The following WIPI2 variants were observed in gnomAD, a reference collection of about 807,000 sequenced individuals.
WIPI2 encodes WD repeat domain phosphoinositide-interacting protein 2.
A neutral mutation model predicts 52.3 loss-of-function variants in WIPI2; 28 were observed. The observed-to-expected ratio is 0.54, with a 90% confidence interval of 0.40 to 0.73. The LOEUF (loss-of-function observed/expected upper bound fraction) is 0.73, where lower values mean the gene tolerates loss of function less well. WIPI2 is among the 30% of genes least tolerant of loss of function. The probability of loss-of-function intolerance (pLI) is 0.00; values close to 1 mark genes in which losing one functional copy is unlikely to be tolerated. For missense variants in WIPI2, 506 were observed against 602.9 expected (o/e 0.84, Z 1.68); for synonymous variants, 268 against 245.0 (o/e 1.09, Z -0.88).
chr7:5,200,631 G>A (rs997577420), intron 3 of WIPI2, among the ~76,000 whole-genome samples: 6 of 151,654 alleles, frequency 4.0e-5, no homozygotes, highest in Admixed American at 2.0e-4. Flanking sequence ...TTGGCTCACC[G>A]CACCCTCCGT....
chr7:5,208,043 G>C (rs1782377424), intron 3 of WIPI2, among the ~76,000 whole-genome samples: 1 of 152,172 alleles, frequency 6.6e-6, no homozygotes, highest in Non-Finnish European at 1.5e-5. Context: ...TGGGATTACA[G>C]GCGTGAGCCA....
At chr7:5,228,067 A>G (rs999525486) in intron 10 of WIPI2, 37 bp from the exon 11 acceptor site, 1 of 1,599,298 alleles carries the variant, frequency 6.3e-7, no homozygotes. Flanking sequence ...TTTCTGTGAC[A>G]GTTGTCTAGA....
intron 2 of WIPI2, among the ~76,000 whole-genome samples, chr7:5,194,200 G>A (rs1269391276): frequency 1.3e-5 from 2 of 152,160 alleles, no homozygotes; most frequent in African/African-American, 2.4e-5. Context: ...ATATGGAGGT[G>A]GAGGATGTGA....
chr7:5,222,531 T>C, intron 7 of WIPI2, 71 bp from the exon 8 acceptor site: 2 of 1,486,718 alleles, frequency 1.3e-6, no homozygotes, highest in South Asian at 1.1e-5. Flanking sequence ...GCATTTGCAG[T>C]CTGCTGTGAA....
chr7:5,220,137 A>G (rs1222477943), intron 7 of WIPI2, among the ~76,000 whole-genome samples: 1 of 151,268 alleles, frequency 6.6e-6, no homozygotes, highest in Non-Finnish European at 1.5e-5. Context: ...TGCCTGGCCT[A>G]TATTCTGATT....
In WIPI2 at chr7:5,232,350, C is replaced by G; in HGVS notation, c.*1403C>G. The G allele has an allele frequency of 2.5e-6, 1 of 398,616 alleles. No homozygotes were observed. The highest frequency in any genetic ancestry group is 4.4e-6 in the Non-Finnish European group (1 of 226,066). The allele number at this position is 398,616 out of a possible 1,614,324, so 24.7% of individuals were successfully genotyped here. ...AGCTGAGCGGCTGCGGTGAAATGCCCCAGTGTTCCTGGGTTGGCTTTACGG... is the reference window on the plus strand; with the variant it reads ...AGCTGAGCGGCTGCGGTGAAATGCCGCAGTGTTCCTGGGTTGGCTTTACGG... On this transcript the variant is annotated 3_prime_UTR_variant, in exon 13 of 13. Transcript: ENST00000288828.
chr7:5,228,079 T>C, intron 10 of WIPI2, 25 bp from the exon 11 acceptor site: 1 of 1,610,680 alleles, frequency 6.2e-7, no homozygotes, highest in Non-Finnish European at 8.5e-7. Flanking sequence ...TTGTCTAGAA[T>C]TTGGCTGCTC....
At chr7:5,226,553 G>C (rs1032527963) in intron 9 of WIPI2, 3 of 152,996 alleles carry the variant, frequency 2.0e-5, no homozygotes. Flanking sequence ...GAATTTCGCT[G>C]TGTTGCCCAG....
At position 5,229,637 on chromosome 7, in the gene WIPI2, A is replaced by G. The variant is rs1783626238; in HGVS notation, c.1151A>G (p.Glu384Gly). ...GACGGCAGTCTGGAAACGACCAATG[A>G]GATCTTGGACTCTGCCTCTCACGAC... ...RLDGSLETTN[E>G]ILDSASHDCP... The change falls in exon 12 of 13, where the codon GAG (glutamate) becomes GGG (glycine). Residue 384 changes from glutamate (E) to glycine (G), a missense_variant. Coordinates refer to ENST00000288828, the MANE Select transcript of WIPI2 (RefSeq NM_015610.4). The G allele has an allele frequency of 6.2e-7, 1 of 1,613,730 alleles. No individual in the cohort carries two copies. The highest frequency in any genetic ancestry group is 8.5e-7 in the Non-Finnish European group (1 of 1,179,902).
intron 3 of WIPI2, among the ~76,000 whole-genome samples, chr7:5,204,809 C>G (rs1260069500): frequency 6.6e-6 from 1 of 152,118 alleles, no homozygotes; most frequent in African/African-American, 2.4e-5. Flanking sequence ...TCTTGCATAG[C>G]TGGGACTGAC....
intron 1 of WIPI2, among the ~76,000 whole-genome samples, 199 bp from the exon 2 acceptor site, chr7:5,192,919 A>G (rs1001279329): frequency 1.3e-5 from 2 of 152,202 alleles, no homozygotes; most frequent in African/African-American, 2.4e-5. Flanking sequence ...TATATATGTT[A>G]TAGGGTCATT....
chr7:5,209,839 C>T (rs1274710352), intron 3 of WIPI2, among the ~76,000 whole-genome samples: 4 of 152,136 alleles, frequency 2.6e-5, no homozygotes, highest in Non-Finnish European at 5.9e-5. Flanking sequence ...CAGAAACTTC[C>T]CTTGCCCATG....
intron 9 of WIPI2, 110 bp downstream of exon 9, chr7:5,226,040 C>A: frequency 9.3e-7 from 1 of 1,078,424 alleles, no homozygotes; most frequent in Non-Finnish European, 1.4e-6. Context: ...CATCGTTAGC[C>A]AGTGAAGACC....
Position 5,230,869 on chromosome 7 carries a change from C to T in WIPI2, c.1287C>T (p.Ala429=). The T allele has an allele frequency of 1.2e-6, 2 of 1,613,918 alleles. No homozygotes were observed. The highest frequency in any genetic ancestry group is 1.3e-5 in the African/African-American group (1 of 75,046). ...YTDDLGAVGG[A]CLEDEASALR... The stretch of plus-strand genomic sequence containing the variant: ...ACGACCTGGGTGCTGTGGGTGGCGC[C>T]TGCCTGGAGGACGAGGCCAGCGCCC... Residue 429 remains alanine, a synonymous_variant, in exon 13 of 13, where the codon GCC becomes GCT. Transcript: ENST00000288828. The surrounding 1 kb of genome is among the most constrained non-coding windows in gnomAD (Gnocchi z 4.8).
intron 11 of WIPI2, 99 bp downstream of exon 11, chr7:5,228,310 CAT>C (rs1484250464): frequency 8.9e-7 from 1 of 1,117,450 alleles, no homozygotes; most frequent in Admixed American, 2.8e-5. Context: ...AAACCAGTGA[CAT>C]AGAGGGGCAG....
rs556661493 is a variant in WIPI2 at position 5,226,662 on chromosome 7, G to T, written c.849-518G>T. The T allele has an allele frequency of 2.0e-5, 3 of 152,860 alleles. No homozygotes were observed. The East Asian group carries it at 5.8e-4, about 29-fold the overall frequency. The allele number at this position is 152,860 out of a possible 1,614,324, so 9.5% of individuals were successfully genotyped here. On this transcript the variant is annotated intron_variant, in intron 9 of 12. Coordinates refer to ENST00000288828, the MANE Select transcript of WIPI2 (RefSeq NM_015610.4). ...AAAAGAACATCCCACTCAGACCAGC[G>T]TTAACAATAACATACTTTAGGTGGT...
At chr7:5,217,048 C>T (rs778368210) in intron 5 of WIPI2, 42 bp from the exon 6 acceptor site, 4 of 1,573,040 alleles carry the variant, frequency 2.5e-6, no homozygotes, top group Non-Finnish European at 2.6e-6. Flanking sequence ...AAGGAACTCT[C>T]AGGTGGAAGT....
At position 5,230,993 on chromosome 7, in the gene WIPI2, C is replaced by T. The variant is rs1329960116; in HGVS notation, c.*46C>T. 6.5e-7 allele frequency: 1 copy of T among 1,537,986 alleles called. No homozygotes were observed. The highest frequency in any genetic ancestry group is 1.4e-5 in the African/African-American group (1 of 72,744). ...CCCGGGGAGCAGAGAACACTGGCTT[C>T]ACAGAGGACTTTGTGCATTGCTGCT... On this transcript the variant is annotated 3_prime_UTR_variant, in exon 13 of 13. Transcript: ENST00000288828. This position sits in a 1 kb window ranked among gnomAD's most constrained non-coding sequence, Gnocchi z 4.8.
chr7:5,227,461 C>G lies in WIPI2; in HGVS notation c.1013+117C>G, dbSNP rs887405695. On this transcript the variant is annotated intron_variant, in intron 10 of 12. Transcript: ENST00000288828. This position sits in a 1 kb window ranked among gnomAD's most constrained non-coding sequence, Gnocchi z 8.1. ...AACAGGAGCAGCTTCTTAGAGCCGA[C>G]ACTCCATCGAGAGTTGTCGGGGATG... is the stretch of plus-strand genomic sequence containing the variant. 6 of 1,387,154 alleles carry G rather than the reference C, an allele frequency of 4.3e-6. No individual in the cohort carries two copies. The African/African-American group carries it at 7.2e-5, about 17-fold the overall frequency. 85.9% of individuals were successfully genotyped at this position (1,387,154 alleles called of 1,614,324 possible).
Sources: gnomAD v4.1 joint callset for allele counts (sites outside exome capture counted in the v4.1 genomes callset) on GRCh38, gnomAD v4.1.1 for gene constraint, Gnocchi (gnomAD v3.1) non-coding constraint, MANE v1.5 for transcripts, NCBI Gene and HGNC (gene_info 2026-07-23, HGNC 2026-07-21) for gene names.